Variants in PTCHD4 observed in about 807,000 individuals in gnomAD.
PTCHD4 encodes the protein patched domain-containing protein 4.
PTCHD4 carries 33 observed loss-of-function variants against 58.1 expected under a neutral mutation model. The observed-to-expected ratio is 0.57, with a 90% CI of 0.43 to 0.76. PTCHD4 has a LOEUF of 0.76. PTCHD4 is among the 30% of genes least tolerant of loss of function. The pLI is 0.00. For missense variants in PTCHD4, 1,058 were observed against 1,027.1 expected, an observed-to-expected ratio of 1.03 and a Z score of -0.41; for synonymous variants, 478 against 409.6, an observed-to-expected ratio of 1.17 and a Z score of -2.02.
chr6:48,037,977 T>TA lies in PTCHD4; in HGVS notation c.418-28864dup, dbSNP rs376618671. Among the ~76,000 whole-genome samples the TA allele has an allele frequency of 3.4e-4, 51 of 149,240 alleles. No individual in the cohort carries two copies. In the East Asian group the frequency reaches 4.1e-3, roughly 12 times the overall value. On this transcript the variant is annotated intron_variant, in intron 3 of 4. Transcript: ENST00000339488. ...TTTGTTTTGTTTATCTTTGTTCAGATAAAAAAAAATCATAGAAGAAATAAG... is the reference window on the plus strand; with the variant it reads ...TTTGTTTTGTTTATCTTTGTTCAGATAAAAAAAAAATCATAGAAGAAATAAG...
rs1019933739 is a variant in PTCHD4, at chr6:47,863,425, A to G, written c.*14878T>C. On this transcript the variant is annotated 3_prime_UTR_variant, in exon 5 of 5. Transcript: ENST00000339488. The stretch of plus-strand genomic sequence containing the variant: ...CTTTACTATTATTTGGCCTAATAAT[A>G]TAATAGTGTTTCAGCCTCATTATTT... Among the ~76,000 whole-genome samples, 1 of 151,940 alleles carries G rather than the reference A, an allele frequency of 6.6e-6. No homozygotes were observed. The highest frequency in any genetic ancestry group is 6.6e-5 in the Admixed American group (1 of 15,220).
At chr6:47,948,434 G>A (rs1766502977) in intron 4 of PTCHD4, among the ~76,000 whole-genome samples, 1 of 152,174 alleles carries the variant, frequency 6.6e-6, no homozygotes, top group Non-Finnish European at 1.5e-5. Flanking sequence ...CCTCAAGGAC[G>A]AGGGTCACAG....
At chr6:47,904,489 T>A (rs753640264) in intron 4 of PTCHD4, among the ~76,000 whole-genome samples, 1 of 152,140 alleles carries the variant, frequency 6.6e-6, no homozygotes, top group Non-Finnish European at 1.5e-5. Flanking sequence ...CGTAGCAAAG[T>A]GGAAAATATT....
chr6:47,961,508 G>A (rs533816377), intron 4 of PTCHD4, among the ~76,000 whole-genome samples: 1 of 151,928 alleles, frequency 6.6e-6, no homozygotes, highest in Non-Finnish European at 1.5e-5. Flanking sequence ...TGGCCAGGCT[G>A]GTCTCAAACA....
intron 4 of PTCHD4, among the ~76,000 whole-genome samples, chr6:47,899,219 A>G (rs978227688): frequency 6.6e-6 from 1 of 152,200 alleles, no homozygotes; most frequent in African/African-American, 2.4e-5. Flanking sequence ...AGTTGCTCCT[A>G]TCTTGGTCTT....
intron 4 of PTCHD4, among the ~76,000 whole-genome samples, chr6:47,919,652 T>G (rs1306586532): frequency 6.6e-6 from 1 of 152,160 alleles, no homozygotes; most frequent in Non-Finnish European, 1.5e-5. Flanking sequence ...TGTAGGATTT[T>G]GTAATCAGGA....
intron 3 of PTCHD4, among the ~76,000 whole-genome samples, chr6:48,044,066 G>A (rs1455738685): frequency 6.6e-6 from 1 of 151,830 alleles, no homozygotes; most frequent in East Asian, 1.9e-4. Context: ...CTTATTTTAT[G>A]AATTCTTTCC....
intron 3 of PTCHD4, among the ~76,000 whole-genome samples, chr6:48,019,690 G>T (rs1291862042): frequency 6.6e-6 from 1 of 151,094 alleles, no homozygotes; most frequent in Admixed American, 6.6e-5. Context: ...GAGCTGAGAT[G>T]GCACCACTGC....
chr6:47,898,283 A>C (rs1188397029), intron 4 of PTCHD4, among the ~76,000 whole-genome samples: 2 of 152,022 alleles, frequency 1.3e-5, no homozygotes, highest in African/African-American at 4.8e-5. Context: ...ATATTCTAAA[A>C]ACTGCATTTT....
intron 4 of PTCHD4, among the ~76,000 whole-genome samples, chr6:47,926,702 A>G (rs1020726654): frequency 2.6e-5 from 4 of 152,254 alleles, no homozygotes; most frequent in African/African-American, 9.6e-5. Flanking sequence ...AGTAGAAAGA[A>G]CATAGATCTG....
chr6:48,086,716 C>T (rs1562044736), intron 1 of PTCHD4, among the ~76,000 whole-genome samples: 1 of 151,964 alleles, frequency 6.6e-6, no homozygotes, highest in Non-Finnish European at 1.5e-5. Flanking sequence ...TTCTTATTTT[C>T]ATGGGGGAAA....
intron 4 of PTCHD4, among the ~76,000 whole-genome samples, chr6:47,945,808 T>C (rs1766394364): frequency 6.6e-6 from 1 of 151,794 alleles, no homozygotes; most frequent in African/African-American, 2.4e-5. Context: ...ATATAAATTG[T>C]TATAATTTTC....
intron 3 of PTCHD4, among the ~76,000 whole-genome samples, chr6:48,011,413 C>A (rs942361039): frequency 6.9e-6 from 1 of 144,350 alleles, no homozygotes; most frequent in Non-Finnish European, 1.6e-5. Context: ...CTTTGCCCAC[C>A]TTTTGATGTT....
intron 4 of PTCHD4, among the ~76,000 whole-genome samples, chr6:47,979,472 T>C (rs1236249116): frequency 6.6e-6 from 1 of 152,056 alleles, no homozygotes; most frequent in East Asian, 1.9e-4. Flanking sequence ...TGAATAGCTA[T>C]GTGATAAAAA....
At position 47,926,219 on chromosome 6, in the gene PTCHD4, T is replaced by C. The variant is rs147385354; in HGVS notation, c.899-46283A>G. On this transcript the variant is annotated intron_variant, in intron 4 of 4. Coordinates refer to ENST00000339488, the MANE Select transcript of PTCHD4 (RefSeq NM_001384253.1). ...CTCTAGGTTGACAGTGGCCAATGAA[T>C]AGATGTCTCCCTTGACACTCTTATA... 3.3e-5 allele frequency among the ~76,000 whole-genome samples: 5 copies of C among 152,330 alleles called. No individual in the cohort carries two copies. In the East Asian group the frequency reaches 9.7e-4, roughly 29 times the overall value.
At chr6:47,940,386 C>T (rs1231097881) in intron 4 of PTCHD4, among the ~76,000 whole-genome samples, 2 of 152,074 alleles carry the variant, frequency 1.3e-5, no homozygotes, top group Admixed American at 6.6e-5. Flanking sequence ...TATATTTCAC[C>T]TCCCCACAGT....
chr6:48,085,853 G>C (rs909046836), intron 1 of PTCHD4, among the ~76,000 whole-genome samples: 1 of 152,044 alleles, frequency 6.6e-6, no homozygotes. Context: ...TGCGTGCTTA[G>C]TCTGGTAATG....
At chr6:47,910,898 G>A (rs948061448) in intron 4 of PTCHD4, among the ~76,000 whole-genome samples, 1 of 152,136 alleles carries the variant, frequency 6.6e-6, no homozygotes, top group African/African-American at 2.4e-5. Context: ...AGTGCAGTAT[G>A]TTGGTCACTG....
chr6:48,013,452 C>G (rs1221115548), intron 3 of PTCHD4, among the ~76,000 whole-genome samples: 1 of 146,844 alleles, frequency 6.8e-6, no homozygotes, highest in Non-Finnish European at 1.5e-5. Context: ...CTTTTGGAAT[C>G]AAATGGAAAT....
Sources: gnomAD v4.1 joint callset for allele counts (sites outside exome capture counted in the v4.1 genomes callset) on GRCh38, gnomAD v4.1.1 for gene constraint, MANE v1.5 for transcripts, NCBI Gene and HGNC (gene_info 2026-07-23, HGNC 2026-07-21) for gene names.